The following PRKCE variants were observed in gnomAD, a reference collection of about 807,000 sequenced individuals.
PRKCE encodes the protein protein kinase C epsilon type.
PRKCE carries 16 observed loss-of-function variants against 85.4 expected under a neutral mutation model. The observed-to-expected ratio is 0.19, with a 90% CI of 0.13 to 0.28. PRKCE has a LOEUF of 0.28. Among genes scored for constraint, PRKCE ranks in the 10% least tolerant of loss-of-function variants. The pLI is 1.00. For missense variants in PRKCE, 573 were observed against 975.2 expected, an observed-to-expected ratio of 0.59 and a Z score of 5.49; for synonymous variants, 388 against 371.5, an observed-to-expected ratio of 1.04 and a Z score of -0.51.
At chr2:45,723,855 G>A (rs1573072488) in intron 1 of PRKCE, among the ~76,000 whole-genome samples, 1 of 152,040 alleles carries the variant, frequency 6.6e-6, no homozygotes, top group Non-Finnish European at 1.5e-5. Context: ...TGCCTGCCTC[G>A]GCCTCCCAAA....
intron 1 of PRKCE, among the ~76,000 whole-genome samples, chr2:45,797,168 C>G (rs965264453): frequency 1.3e-5 from 2 of 152,164 alleles, no homozygotes; most frequent in African/African-American, 4.8e-5. Context: ...GTATCATTAG[C>G]TTGTTGTCCA....
intron 14 of PRKCE, among the ~76,000 whole-genome samples, chr2:46,176,161 G>T (rs1679402668): frequency 6.6e-6 from 1 of 152,114 alleles, no homozygotes; most frequent in Admixed American, 6.6e-5. Context: ...AAAGTACAAA[G>T]ATAAGGGTGA....
chr2:45,996,035 C>T (rs561270486), intron 6 of PRKCE, among the ~76,000 whole-genome samples: 251 of 152,110 alleles, frequency 1.7e-3, no homozygotes, highest in Non-Finnish European at 2.9e-3. Flanking sequence ...TGATTTTTTT[C>T]ACAACGGTTT....
intron 1 of PRKCE, among the ~76,000 whole-genome samples, chr2:45,817,343 A>G (rs1689145244): frequency 6.6e-6 from 1 of 152,206 alleles, no homozygotes; most frequent in African/African-American, 2.4e-5. Flanking sequence ...GTTTAATTAT[A>G]CAAACTCATC....
At chr2:45,820,513 G>A (rs1384941689) in intron 1 of PRKCE, among the ~76,000 whole-genome samples, 1 of 152,094 alleles carries the variant, frequency 6.6e-6, no homozygotes, top group African/African-American at 2.4e-5. Context: ...ATAAGGGGGT[G>A]GGAGACAGTT....
intron 10 of PRKCE, among the ~76,000 whole-genome samples, chr2:46,035,693 C>T (rs1274126504): frequency 2.0e-5 from 3 of 152,192 alleles, no homozygotes; most frequent in Non-Finnish European, 2.9e-5. Context: ...ATATAAATTA[C>T]TATATATGGT....
chr2:45,948,170 A>G (rs1057035372), intron 2 of PRKCE, among the ~76,000 whole-genome samples: 1 of 152,204 alleles, frequency 6.6e-6, no homozygotes, highest in African/African-American at 2.4e-5. Flanking sequence ...AATTCAATGC[A>G]CTGGGGTTAA....
At chr2:45,680,035 TAAAC>T (rs1676765748) in intron 1 of PRKCE, among the ~76,000 whole-genome samples, 1 of 152,192 alleles carries the variant, frequency 6.6e-6, no homozygotes, top group South Asian at 2.1e-4. Flanking sequence ...TGATAACTAT[TAAAC>T]AAGAGAGGTA....
chr2:45,662,851 A>G (rs1344981814), intron 1 of PRKCE, among the ~76,000 whole-genome samples: 1 of 139,010 alleles, frequency 7.2e-6, no homozygotes, highest in Non-Finnish European at 1.6e-5. Context: ...CCACTCAAAG[A>G]GTACTCTGAA....
chr2:45,953,526 G>T (rs1243709180), intron 2 of PRKCE, among the ~76,000 whole-genome samples: 3 of 152,130 alleles, frequency 2.0e-5, no homozygotes, highest in Non-Finnish European at 4.4e-5. Context: ...CGTGGGCTGT[G>T]CCCTAAACTA....
chr2:45,725,478 A>G (rs866203054), intron 1 of PRKCE, among the ~76,000 whole-genome samples: 1 of 152,210 alleles, frequency 6.6e-6, no homozygotes, highest in Non-Finnish European at 1.5e-5. Flanking sequence ...TTTAGCTGCC[A>G]TAGATATTGA....
rs528610785 is a variant in PRKCE at position 45,881,973 on chromosome 2, G to C, written c.412+38910G>C. 2.0e-5 allele frequency among the ~76,000 whole-genome samples: 3 copies of C among 152,288 alleles called. No homozygotes were observed. In the South Asian group the frequency reaches 6.2e-4, roughly 32 times the overall value. ...AGGAGACATTTCCTTGCCTTCCATT[G>C]GGTTTATGAGCTTTCCAAAGCGCTG... On this transcript the variant is annotated intron_variant, in intron 2 of 14. Transcript: ENST00000306156.
chr2:45,996,200 T>C (rs1704202510), intron 6 of PRKCE, among the ~76,000 whole-genome samples: 1 of 152,200 alleles, frequency 6.6e-6, no homozygotes, highest in Non-Finnish European at 1.5e-5. Context: ...TTTTGTATAT[T>C]AACTTTGTAT....
intron 6 of PRKCE, among the ~76,000 whole-genome samples, chr2:45,998,261 T>G (rs1704377528): frequency 6.6e-6 from 1 of 152,242 alleles, no homozygotes; most frequent in Non-Finnish European, 1.5e-5. Flanking sequence ...TCTGTTTATT[T>G]TTGAATAAAG....
chr2:45,777,673 C>T (rs1166348355), intron 1 of PRKCE, among the ~76,000 whole-genome samples: 3 of 152,108 alleles, frequency 2.0e-5, no homozygotes, highest in South Asian at 2.1e-4. Context: ...ACAGAGGCCC[C>T]GGGAGGGTAG....
At chr2:45,892,571 C>G (rs543537221) in intron 2 of PRKCE, among the ~76,000 whole-genome samples, 2 of 152,186 alleles carry the variant, frequency 1.3e-5, no homozygotes, top group Non-Finnish European at 2.9e-5. Flanking sequence ...AGTTTGTGCT[C>G]TGTTTGTGTT....
intron 14 of PRKCE, among the ~76,000 whole-genome samples, chr2:46,163,563 C>T (rs1326695416): frequency 2.1e-5 from 2 of 97,488 alleles, no homozygotes; most frequent in African/African-American, 4.2e-5. Context: ...CTAAGAGACA[C>T]AGGGAAGCTG....
intron 10 of PRKCE, among the ~76,000 whole-genome samples, chr2:46,069,201 T>C (rs1381113974): frequency 6.6e-5 from 10 of 152,308 alleles, no homozygotes; most frequent in Non-Finnish European, 1.2e-4. Context: ...GAGACTTTCT[T>C]TTACGTGGTA....
At chr2:45,835,653 A>G (rs1315339972) in intron 1 of PRKCE, among the ~76,000 whole-genome samples, 1 of 151,194 alleles carries the variant, frequency 6.6e-6, no homozygotes, top group East Asian at 1.9e-4. Context: ...TGCAGTTGTG[A>G]AATCATAGCT....
Sources: allele counts gnomAD v4.1 joint callset (sites outside exome capture counted in the v4.1 genomes callset), GRCh38; gene constraint gnomAD v4.1.1; transcripts MANE v1.5; gene names NCBI Gene and HGNC (gene_info 2026-07-23, HGNC 2026-07-21).